SPHKAP: variants seen among roughly 807,000 people sequenced by gnomAD.
The protein encoded by SPHKAP is SPHK1 interactor, AKAP domain containing.
SPHKAP carries 67 observed loss-of-function variants against 137.5 expected under a neutral mutation model. That is an observed-to-expected ratio of 0.49 (90% CI 0.40 to 0.60). The LOEUF (loss-of-function observed/expected upper bound fraction) is 0.60, where lower values mean the gene tolerates loss of function less well. Ranked by LOEUF, SPHKAP falls within the 20% of genes least tolerant of loss-of-function variation. The pLI, the probability that SPHKAP is intolerant of heterozygous loss-of-function variation, is 0.00. For synonymous variants in SPHKAP, 813 were observed against 785.3 expected (o/e 1.04, Z -0.59); for missense variants, 2,097 against 2,069.3 (o/e 1.01, Z -0.26).
intron 1 of SPHKAP, among the ~76,000 whole-genome samples, chr2:228,159,055 C>T (rs780481042): frequency 5.3e-5 from 8 of 152,168 alleles, no homozygotes; most frequent in East Asian, 1.9e-4. Context: ...TACCAATGGG[C>T]GGTGATGGAG....
chr2:228,163,023 C>A (rs1415006509), intron 1 of SPHKAP, among the ~76,000 whole-genome samples: 1 of 152,126 alleles, frequency 6.6e-6, no homozygotes, highest in Non-Finnish European at 1.5e-5. Flanking sequence ...AAGCCAGTAC[C>A]ATGAGGAGGT....
rs1290510768 is a variant in SPHKAP, at chr2:228,108,926, T to G, written c.152A>C (p.Asn51Thr). The G allele has an allele frequency of 1.3e-6, 2 of 1,599,646 alleles. No homozygotes were observed. Among genetic ancestry groups the G allele is most frequent in the Non-Finnish European group, 1.7e-6 (2 of 1,176,092 alleles). Reference protein sequence around the residue: ...ITACKKVLRSNSLLESTDYWL... With the variant: ...ITACKKVLRSTSLLESTDYWL... ...GTAGTCTGTTGACTCCAGCAGGCTATTGCTGCGAAGAACCTGGAGGAACCC... is the reference window on the plus strand; with the variant it reads ...GTAGTCTGTTGACTCCAGCAGGCTAGTGCTGCGAAGAACCTGGAGGAACCC... The change falls in exon 3 of 12, where the codon AAT becomes ACT. Residue 51 changes from asparagine to threonine, a missense_variant. By Grantham distance (65) the Asn-to-Thr change is moderately conservative. Coordinates refer to ENST00000392056, the MANE Select transcript of SPHKAP (RefSeq NM_001142644.2).
At chr2:228,065,300 T>C (rs1696789639) in intron 3 of SPHKAP, among the ~76,000 whole-genome samples, 1 of 152,174 alleles carries the variant, frequency 6.6e-6, no homozygotes, top group Non-Finnish European at 1.5e-5. Context: ...GTTTATTAGC[T>C]TGAAAGTAGA....
At chr2:228,105,159 G>T (rs1698301569) in intron 3 of SPHKAP, among the ~76,000 whole-genome samples, 1 of 152,078 alleles carries the variant, frequency 6.6e-6, no homozygotes, top group African/African-American at 2.4e-5. Context: ...TGTAGAGATG[G>T]GATCTCACTA....
intron 1 of SPHKAP, among the ~76,000 whole-genome samples, chr2:228,151,825 A>T (rs1277803371): frequency 1.3e-5 from 2 of 151,960 alleles, no homozygotes. Context: ...GGTGCTTATT[A>T]TATTTAGTAT....
intron 1 of SPHKAP, among the ~76,000 whole-genome samples, chr2:228,138,870 T>A (rs561717911): frequency 6.6e-6 from 1 of 152,074 alleles, no homozygotes; most frequent in South Asian, 2.1e-4. Flanking sequence ...GAAACTGTGA[T>A]GTATTATCCA....
intron 3 of SPHKAP, among the ~76,000 whole-genome samples, chr2:228,037,341 T>G (rs970815163): frequency 1.3e-5 from 2 of 152,208 alleles, no homozygotes; most frequent in Non-Finnish European, 2.9e-5. Context: ...ACATGTCTGA[T>G]GATTGGAAGA....
At chr2:228,169,426 C>T (rs746902428) in intron 1 of SPHKAP, among the ~76,000 whole-genome samples, 26 of 152,048 alleles carry the variant, frequency 1.7e-4, no homozygotes, top group Non-Finnish European at 3.1e-4. Context: ...TTCCAAAAAT[C>T]CTAGGGCCCT....
chr2:227,985,906 A>T (rs1256502721), intron 11 of SPHKAP, among the ~76,000 whole-genome samples: 1 of 152,246 alleles, frequency 6.6e-6, no homozygotes, highest in Non-Finnish European at 1.5e-5. Context: ...TGCATTAAGC[A>T]TAAGTGAGTT....
intron 3 of SPHKAP, among the ~76,000 whole-genome samples, chr2:228,048,772 T>C (rs1696154784): frequency 6.6e-6 from 1 of 152,188 alleles, no homozygotes; most frequent in South Asian, 2.1e-4. Context: ...CATTTCTTCA[T>C]ATGTCTGTGG....
At chr2:228,148,147 T>C (rs1699832822) in intron 1 of SPHKAP, among the ~76,000 whole-genome samples, 1 of 152,162 alleles carries the variant, frequency 6.6e-6, no homozygotes, top group Non-Finnish European at 1.5e-5. Flanking sequence ...AGAAGAGCAA[T>C]GCAGACAGGA....
intron 3 of SPHKAP, among the ~76,000 whole-genome samples, chr2:228,067,672 A>AT (rs907707256): frequency 2.9e-4 from 44 of 150,080 alleles, no homozygotes; most frequent in Admixed American, 4.0e-4. Flanking sequence ...TACAGGTAAG[A>AT]TTTTTTTTTT....
At chr2:228,113,861 T>C (rs1336085169) in intron 2 of SPHKAP, among the ~76,000 whole-genome samples, 1 of 152,034 alleles carries the variant, frequency 6.6e-6, no homozygotes, top group Non-Finnish European at 1.5e-5. Flanking sequence ...TAGTATGCAT[T>C]GAGAGCCAAA....
chr2:228,117,407 G>A (rs7601777), intron 2 of SPHKAP, among the ~76,000 whole-genome samples: 52,284 of 151,904 alleles, frequency 0.34, 9,271 homozygotes, highest in East Asian at 0.5. Context: ...ATCACTCAGA[G>A]GAGACTCTCC....
chr2:228,030,955 G>A (rs528797684), intron 3 of SPHKAP, among the ~76,000 whole-genome samples: 43 of 152,308 alleles, frequency 2.8e-4, no homozygotes, highest in Admixed American at 5.2e-4. Flanking sequence ...CAGTGTGAGC[G>A]ATGCAGAAGA....
chr2:228,040,216 C>T (rs1695784302), intron 3 of SPHKAP, among the ~76,000 whole-genome samples: 1 of 152,168 alleles, frequency 6.6e-6, no homozygotes, highest in Non-Finnish European at 1.5e-5. Context: ...TCTAACAATG[C>T]AGCCATCTGG....
chr2:228,053,177 TG>T (rs1696317858), intron 3 of SPHKAP, among the ~76,000 whole-genome samples: 1 of 152,118 alleles, frequency 6.6e-6, no homozygotes, highest in African/African-American at 2.4e-5. Flanking sequence ...TTCCCCCTGG[TG>T]TCTCTTCTTC....
chr2:228,139,509 ATC>A (rs1441813124), intron 1 of SPHKAP, among the ~76,000 whole-genome samples: 6 of 152,214 alleles, frequency 3.9e-5, no homozygotes, highest in Non-Finnish European at 7.4e-5. Flanking sequence ...TTGATATATT[ATC>A]TCTCATTAAG....
rs184966030 is a variant in SPHKAP, at chr2:228,137,015, C to T, written c.33-4930G>A. 1.2e-3 allele frequency among the ~76,000 whole-genome samples: 176 copies of T among 152,200 alleles called. 1 individual carries two copies. Among genetic ancestry groups the T allele is most frequent in the Admixed American group, 3.6e-3 (55 of 15,276 alleles). ...TGCCAAGGAGGCCACTTCTCCTCTCCCACACACCTCCAGTGCCCCATGCAC... is the reference window on the plus strand; with the variant it reads ...TGCCAAGGAGGCCACTTCTCCTCTCTCACACACCTCCAGTGCCCCATGCAC... On this transcript the variant is annotated intron_variant, in intron 1 of 11. Coordinates refer to ENST00000392056, the MANE Select transcript of SPHKAP (RefSeq NM_001142644.2).
Sources: gnomAD v4.1 joint callset for allele counts (sites outside exome capture counted in the v4.1 genomes callset) on GRCh38, gnomAD v4.1.1 for gene constraint, MANE v1.5 for transcripts, NCBI Gene and HGNC (gene_info 2026-07-23, HGNC 2026-07-21) for gene names.